Variants in PELP1 observed in about 807,000 individuals in gnomAD.
PELP1 encodes the protein proline-, glutamic acid- and leucine-rich protein 1.
A neutral mutation model predicts 95.5 loss-of-function variants in PELP1; 32 were observed. That is an observed-to-expected ratio of 0.34 (90% CI 0.25 to 0.45). The LOEUF is 0.45. PELP1 is among the 20% of genes least tolerant of loss of function. PELP1 has a pLI of 1.00. For missense variants in PELP1, 1,358 were observed against 1,444.8 expected (o/e 0.94, Z 0.97); for synonymous variants, 668 against 600.1 (o/e 1.11, Z -1.65).
Position 4,671,398 on chromosome 17 carries a change from CAT to C in PELP1, c.*39_*40del, listed in dbSNP as rs1912191859. On this transcript the variant is annotated 3_prime_UTR_variant, in exon 17 of 17. Transcript: ENST00000572293. ...AGAAGCAGCAGTCGCTATCTAAGGA[CAT>C]AACTTTATTGGAAACAAAGAGTGGG... The C allele has an allele frequency of 1.8e-6, 2 of 1,099,232 alleles. No homozygotes were observed. The highest frequency in any genetic ancestry group is 3.1e-5 in the African/African-American group (2 of 65,268). 68.1% of individuals were successfully genotyped at this position (1,099,232 alleles called of 1,614,324 possible). A position where few individuals can be genotyped will look rare whatever the true frequency, so the allele number is the denominator to read the frequency against.
chr17:4,696,063 C>T (rs1383553947), intron 1 of PELP1, among the ~76,000 whole-genome samples: 1 of 149,474 alleles, frequency 6.7e-6, no homozygotes, highest in East Asian at 2.0e-4. Context: ...GGGCAAGGGG[C>T]TCATGACTGT....
intron 5 of PELP1, among the ~76,000 whole-genome samples, chr17:4,677,889 C>T (rs1403300173): frequency 6.7e-6 from 1 of 150,322 alleles, no homozygotes; most frequent in Non-Finnish European, 1.5e-5. Context: ...GTACTCTAGC[C>T]TGGGTGATGA....
At position 4,674,525 on chromosome 17, in the gene PELP1, C is replaced by G; in HGVS notation, c.1567G>C (p.Ala523Pro). 6.2e-7 allele frequency: 1 copy of G among 1,613,156 alleles called. No individual in the cohort carries two copies. Among genetic ancestry groups the G allele is most frequent in the Non-Finnish European group, 8.5e-7 (1 of 1,179,558 alleles). ...CCTCACCCACCTCTGAGTGCAGCCG[C>G]ACACACGTCGCTGTTGGCATTGCTA... The part of the protein sequence containing the change: ...GDSNANSDVC[A>P]AALRGLSRTI... Residue 523 changes from alanine (A) to proline (P), a missense_variant, in exon 13 of 17, where the codon GCG becomes CCG. Physicochemically the swap from Ala to Pro is conservative, Grantham distance 27 (BLOSUM62 -1). Coordinates refer to ENST00000572293, the MANE Select transcript of PELP1 (RefSeq NM_014389.3).
intron 3 of PELP1, among the ~76,000 whole-genome samples, chr17:4,684,280 C>T (rs1046081015): frequency 1.3e-5 from 2 of 152,254 alleles, no homozygotes; most frequent in East Asian, 1.9e-4. Flanking sequence ...CTCTGGTTAA[C>T]GCTGCTACTA....
At position 4,676,480 on chromosome 17, in the gene PELP1, G is replaced by A; in HGVS notation, c.730C>T (p.Pro244Ser). 1 of 1,613,786 alleles carries A rather than the reference G, an allele frequency of 6.2e-7. No homozygotes were observed. Among genetic ancestry groups the A allele is most frequent in the South Asian group, 1.1e-5 (1 of 91,068 alleles). ...QLACECYSRL[P>S]SLGAGFSQGL... is the part of the protein sequence containing the mutation. ...TGGGAAAAGCCAGCCCCTAAAGAGG[G>A]CAGCCGGGAATAACACTCACAGGCC... Residue 244 changes from proline (P) to serine (S), a missense_variant, in exon 7 of 17, where the codon CCC (proline) becomes TCC (serine). Physicochemically the swap from Pro to Ser is moderately conservative, Grantham distance 74. Coordinates refer to ENST00000572293, the MANE Select transcript of PELP1 (RefSeq NM_014389.3).
At chr17:4,683,881 C>T (rs1356033836) in intron 3 of PELP1, among the ~76,000 whole-genome samples, 1 of 139,972 alleles carries the variant, frequency 7.1e-6, no homozygotes, top group Non-Finnish European at 1.5e-5. Context: ...CTCTGTCATC[C>T]AGGCTGGAGT....
rs1462224913 is a variant in PELP1 at position 4,675,051 on chromosome 17, T to C, written c.1274+28A>G. ...CCCCCTCACCCCCCTCTCCTCTTTATTCCCTTCCTGCCTTCCTGGATGGTC... is the reference window on the plus strand; with the variant it reads ...CCCCCTCACCCCCCTCTCCTCTTTACTCCCTTCCTGCCTTCCTGGATGGTC... On this transcript the variant is annotated intron_variant, in intron 11 of 16. Coordinates refer to ENST00000572293, the MANE Select transcript of PELP1 (RefSeq NM_014389.3). This position sits in a 1 kb window ranked among gnomAD's most constrained non-coding sequence, Gnocchi z 4.3. The C allele has an allele frequency of 6.2e-7, 1 of 1,611,606 alleles. No homozygotes were observed. The highest frequency in any genetic ancestry group is 1.1e-5 in the South Asian group (1 of 91,030).
chr17:4,671,982 GGGTTCA>G lies in PELP1; in HGVS notation c.3003_3008del (p.Glu1002_Pro1003del), dbSNP rs745599970. On this transcript the variant is annotated inframe_deletion, in exon 16 of 17. Coordinates refer to ENST00000572293, the MANE Select transcript of PELP1 (RefSeq NM_014389.3). ...GCTCCTCCACTTCCAAAAGCAGCCC[GGGTTCA>G]GGTTCGGGTTCTGGCTGCACCTTTG... 3.9e-5 allele frequency: 60 copies of G among 1,544,734 alleles called. No individual in the cohort carries two copies. The highest frequency in any genetic ancestry group is 6.1e-5 in the Admixed American group (3 of 49,264).
intron 3 of PELP1, among the ~76,000 whole-genome samples, chr17:4,687,192 T>C (rs774914435): frequency 6.6e-6 from 1 of 152,192 alleles, no homozygotes; most frequent in Non-Finnish European, 1.5e-5. Context: ...ACTATAGTCT[T>C]TACCTCCACA....
intron 5 of PELP1, among the ~76,000 whole-genome samples, chr17:4,677,952 A>G (rs1297684029): frequency 6.6e-6 from 1 of 151,756 alleles, no homozygotes; most frequent in Non-Finnish European, 1.5e-5. Flanking sequence ...ACGGTGGCTC[A>G]TACCTGTAAT....
Position 4,672,564 on chromosome 17 carries a change from G to C in PELP1, c.2427C>G (p.Pro809=), listed in dbSNP as rs750619566. 1 of 1,579,456 alleles carries C rather than the reference G, an allele frequency of 6.3e-7. No homozygotes were observed. Among genetic ancestry groups the C allele is most frequent in the South Asian group, 1.1e-5 (1 of 88,128 alleles). The change falls in exon 16 of 17, where the codon CCC becomes CCG. Residue 809 remains proline (P), a synonymous_variant. Coordinates refer to ENST00000572293, the MANE Select transcript of PELP1 (RefSeq NM_014389.3). ...TTGGTGGCCCAGTGGGGGCTATAGGGGGTGGTGTGGCACCTGAGGGTGGTG... is the reference window on the plus strand; with the variant it reads ...TTGGTGGCCCAGTGGGGGCTATAGGCGGTGGTGTGGCACCTGAGGGTGGTG... ...PPPPPSGATP[P]PIAPTGPPTA...
At chr17:4,696,219 C>A (rs1455512486) in intron 1 of PELP1, among the ~76,000 whole-genome samples, 1 of 152,014 alleles carries the variant, frequency 6.6e-6, no homozygotes, top group Non-Finnish European at 1.5e-5. Context: ...GTGGTCACAG[C>A]TACTTGGGAG....
At chr17:4,698,989 C>A (rs534178267) in intron 1 of PELP1, among the ~76,000 whole-genome samples, 1 of 152,290 alleles carries the variant, frequency 6.6e-6, no homozygotes, top group South Asian at 2.1e-4. Context: ...CCTCTTCACC[C>A]AGAATTCTCC....
intron 1 of PELP1, among the ~76,000 whole-genome samples, chr17:4,701,474 T>C (rs1913533316): frequency 6.6e-6 from 1 of 152,094 alleles, no homozygotes; most frequent in Non-Finnish European, 1.5e-5. Context: ...AGCTACTGTG[T>C]GGGGAACGGA....
rs772673288 is a variant in PELP1, at chr17:4,673,646, C to T, written c.1611G>A (p.Gly537=). 1.9e-6 allele frequency: 3 copies of T among 1,613,716 alleles called. No individual in the cohort carries two copies. Among genetic ancestry groups the T allele is most frequent in the African/African-American group, 2.7e-5 (2 of 74,904 alleles). The change falls in exon 14 of 17, where the codon GGG becomes GGA. Residue 537 remains glycine (G), a synonymous_variant. Transcript: ENST00000572293. This position sits in a 1 kb window ranked among gnomAD's most constrained non-coding sequence, Gnocchi z 5.7. The part of the protein sequence containing the change: ...RGLSRTILMC[G]PLIKEETHRR... ...TGTGAGTCTCCTCCTTGATGAGAGG[C>T]CCACACATGAGGATGGTCCGGCTGA... is the stretch of plus-strand genomic sequence containing the variant.
At chr17:4,701,202 T>C (rs28662192) in intron 1 of PELP1, among the ~76,000 whole-genome samples, 42,973 of 151,676 alleles carry the variant, frequency 0.28, 6,203 homozygotes, top group Middle Eastern at 0.42. Flanking sequence ...TATAAGTATA[T>C]GTGAAATAAA....
At chr17:4,701,952 CTT>C (rs1352837602) in intron 1 of PELP1, among the ~76,000 whole-genome samples, 1 of 152,144 alleles carries the variant, frequency 6.6e-6, no homozygotes, top group Non-Finnish European at 1.5e-5. Context: ...CCACATCACT[CTT>C]AGCTTCTTTA....
intron 3 of PELP1, among the ~76,000 whole-genome samples, chr17:4,683,453 T>A (rs1023808149): frequency 2.2e-4 from 34 of 151,136 alleles, no homozygotes; most frequent in African/African-American, 7.3e-4. Flanking sequence ...ATCTCCGACC[T>A]CGTGATCTGC....
At position 4,673,524 on chromosome 17, in the gene PELP1, C is replaced by A; in HGVS notation, c.1639-68G>T. 6.4e-7 allele frequency: 1 copy of A among 1,569,526 alleles called. No individual in the cohort carries two copies. On this transcript the variant is annotated intron_variant, in intron 14 of 16. Coordinates refer to ENST00000572293, the MANE Select transcript of PELP1 (RefSeq NM_014389.3). This position sits in a 1 kb window ranked among gnomAD's most constrained non-coding sequence, Gnocchi z 5.7. Reference sequence around the variant, plus strand: ...CCAACCCTTCTCCAGAGCCTACTCCCAGGTCGGAATGGACCCACCTCTGGG... The same window carrying A: ...CCAACCCTTCTCCAGAGCCTACTCCAAGGTCGGAATGGACCCACCTCTGGG...
Sources: allele counts gnomAD v4.1 joint callset (sites outside exome capture counted in the v4.1 genomes callset), GRCh38; gene constraint gnomAD v4.1.1; non-coding constraint Gnocchi (gnomAD v3.1); transcripts MANE v1.5; gene names NCBI Gene and HGNC (gene_info 2026-07-23, HGNC 2026-07-21).